The following COL4A6 variants were observed in gnomAD, a reference collection of about 807,000 sequenced individuals.
The protein encoded by COL4A6 is collagen alpha-6(IV) chain.
COL4A6 carries 59 observed loss-of-function variants against 126.7 expected under a neutral mutation model. That is an observed-to-expected ratio of 0.47 (90% CI 0.38 to 0.58). The LOEUF is 0.58. Ranked by LOEUF, COL4A6 falls within the 20% of genes least tolerant of loss-of-function variation. The pLI is 0.00. For synonymous variants in COL4A6, 547 were observed against 496.6 expected, an observed-to-expected ratio of 1.10 and a Z score of -1.35; for missense variants, 1,285 against 1,337.3, an observed-to-expected ratio of 0.96 and a Z score of 0.61.
At chrX:108,326,711 G>C (rs962211133) in intron 2 of COL4A6, among the ~76,000 whole-genome samples, 3 of 112,305 alleles carry the variant, frequency 2.7e-5, no homozygotes, top group Non-Finnish European at 5.6e-5. Context: ...TAAACAAATG[G>C]TGCTGAAACA....
intron 2 of COL4A6, among the ~76,000 whole-genome samples, chrX:108,379,390 C>T (rs190977946): frequency 2.8e-5 from 3 of 106,903 alleles, no homozygotes; most frequent in African/African-American, 1.0e-4. Flanking sequence ...GCTGGGACTA[C>T]ATGGGACTAC....
At chrX:108,213,834 T>C (rs778122830) in intron 6 of COL4A6, 23 of 297,260 alleles carry the variant, frequency 7.7e-5, no homozygotes, top group Middle Eastern at 9.2e-4. Context: ...TATTTTGCCA[T>C]GAAATTTACT....
At chrX:108,287,284 T>C (rs1181315347) in intron 3 of COL4A6, among the ~76,000 whole-genome samples, 2 of 112,289 alleles carry the variant, frequency 1.8e-5, no homozygotes, top group Non-Finnish European at 3.8e-5. Context: ...TTGACTTTTC[T>C]CATTAGGAGT....
chrX:108,289,873 T>C (rs1033572731), intron 3 of COL4A6, among the ~76,000 whole-genome samples: 4 of 112,304 alleles, frequency 3.6e-5, no homozygotes, highest in African/African-American at 1.3e-4. Context: ...TGCACTGGCC[T>C]GCATTGGCTG....
rs766521167 is a variant in COL4A6 at position 108,175,774 on chromosome X, C to T, written c.2710G>A (p.Val904Ile). 11 of 1,192,495 alleles carry T rather than the reference C, an allele frequency of 9.2e-6. No homozygotes were observed. Among genetic ancestry groups the T allele is most frequent in the African/African-American group, 7.2e-5 (4 of 55,439 alleles). ...AGACCTGGTATTCCTGGAAAACCTA[C>T]GAATCCAACAGACCCCTTCTCTCCT... ...PKGEKGSVGF[V>I]GFPGIPGLPG... Residue 904 changes from valine to isoleucine, a missense_variant, in exon 29 of 45, where the codon GTA becomes ATA. By Grantham distance (29) the Val-to-Ile change is conservative. Transcript: ENST00000334504.
chrX:108,401,584 A>T (rs2041089042), intron 2 of COL4A6, among the ~76,000 whole-genome samples: 1 of 110,858 alleles, frequency 9.0e-6, no homozygotes, highest in Non-Finnish European at 1.9e-5. Flanking sequence ...AAAATTGTGG[A>T]ATTATGGGTG....
intron 2 of COL4A6, among the ~76,000 whole-genome samples, chrX:108,328,447 GAA>G (rs1446491519): frequency 3.6e-5 from 4 of 110,379 alleles, no homozygotes; most frequent in Non-Finnish European, 7.6e-5. Flanking sequence ...GAGAGAGAGA[GAA>G]ATGGAATATG....
intron 3 of COL4A6, among the ~76,000 whole-genome samples, chrX:108,257,433 G>A (rs895186558): frequency 9.0e-6 from 1 of 111,543 alleles, no homozygotes; most frequent in African/African-American, 3.3e-5. Context: ...CCAAGGCCAC[G>A]TGTCCAGTGG....
intron 3 of COL4A6, among the ~76,000 whole-genome samples, chrX:108,299,332 C>T (rs1702103612): frequency 8.9e-6 from 1 of 111,752 alleles, no homozygotes. Context: ...AAGTTTAAGG[C>T]TCTGTTCTTA....
chrX:108,336,244 C>T (rs1270286338), intron 2 of COL4A6, among the ~76,000 whole-genome samples: 1 of 111,217 alleles, frequency 9.0e-6, no homozygotes, highest in African/African-American at 3.3e-5. Flanking sequence ...TGTCTATCAA[C>T]AGATAAATGA....
At chrX:108,193,845 T>C in intron 16 of COL4A6, 148 bp from the exon 17 acceptor site, 1 of 453,212 alleles carries the variant, frequency 2.2e-6, no homozygotes. Context: ...ATAGGTTAAT[T>C]TCAAAGTCCC....
chrX:108,208,654 T>C (rs2035616483), intron 8 of COL4A6, among the ~76,000 whole-genome samples: 1 of 111,519 alleles, frequency 9.0e-6, no homozygotes, highest in Non-Finnish European at 1.9e-5. Flanking sequence ...ATGTTAAACA[T>C]AAGACAGTGA....
chrX:108,357,900 G>A (rs1030509511), intron 2 of COL4A6, among the ~76,000 whole-genome samples: 1 of 111,432 alleles, frequency 9.0e-6, no homozygotes, highest in Admixed American at 9.6e-5. Context: ...TTATAGTCTT[G>A]TAACCCTTAT....
intron 23 of COL4A6, among the ~76,000 whole-genome samples, chrX:108,184,577 A>G (rs2034794268): frequency 8.9e-6 from 1 of 112,179 alleles, no homozygotes. Context: ...GCTTTCCACA[A>G]TGAGTTGAAG....
At chrX:108,425,167 ATGTGTGTGTG>A (rs3081000) in intron 2 of COL4A6, among the ~76,000 whole-genome samples, 22 of 89,237 alleles carry the variant, frequency 2.5e-4, no homozygotes, top group East Asian at 1.1e-3. Flanking sequence ...AGTTAACTGT[ATGTGTGTGTG>A]TGTGTGTGTG....
At chrX:108,202,783 C>T in intron 13 of COL4A6, 145 bp downstream of exon 13, 2 of 520,199 alleles carry the variant, frequency 3.8e-6, no homozygotes, top group Admixed American at 2.9e-5. Context: ...GAAACAAGAA[C>T]ATCTCCTTAA....
intron 5 of COL4A6, among the ~76,000 whole-genome samples, chrX:108,217,854 A>T (rs1430412540): frequency 8.9e-6 from 1 of 112,117 alleles, no homozygotes; most frequent in African/African-American, 3.2e-5. Flanking sequence ...GAAAGGAAAT[A>T]TCAGGAGTTC....
At chrX:108,351,539 A>G (rs2039848238) in intron 2 of COL4A6, among the ~76,000 whole-genome samples, 1 of 108,234 alleles carries the variant, frequency 9.2e-6, no homozygotes, top group Non-Finnish European at 1.9e-5. Context: ...AGACCCTCAC[A>G]GCCACACCTC....
In COL4A6 at chrX:108,438,222, C is replaced by T. The variant is rs201794323; in HGVS notation, c.-26G>A. On this transcript the variant is annotated 5_prime_UTR_variant, in exon 1 of 45. Coordinates refer to ENST00000334504, the MANE Select transcript of COL4A6 (RefSeq NM_033641.4). ...GCTTGCGGCTCCTCCGGAGCTGGGT[C>T]CCGGGAGACTGCTAAGCGGCTCCGC... 4.2e-6 allele frequency: 5 copies of T among 1,178,454 alleles called. No homozygotes were observed. The African/African-American group carries it at 7.1e-5, about 17-fold the overall frequency.
Sources: allele counts gnomAD v4.1 joint callset (sites outside exome capture counted in the v4.1 genomes callset), GRCh38; gene constraint gnomAD v4.1.1; transcripts MANE v1.5; gene names NCBI Gene and HGNC (gene_info 2026-07-23, HGNC 2026-07-21).